Variants in CDH13 observed in about 807,000 individuals in gnomAD.
CDH13 encodes the protein cadherin 13, also known as cadherin-13.
Under a neutral mutation model 63.8 loss-of-function variants are expected in CDH13, and 24 were observed. The observed-to-expected ratio is 0.38, with a 90% CI of 0.27 to 0.53. The LOEUF (loss-of-function observed/expected upper bound fraction) is 0.53, where lower values mean the gene tolerates loss of function less well. Among genes scored for constraint, CDH13 ranks in the 20% least tolerant of loss-of-function variants. The pLI, the probability that CDH13 is intolerant of heterozygous loss-of-function variation, is 0.85. For missense variants in CDH13, 1,049 were observed against 903.1 expected (o/e 1.16, Z -2.07); for synonymous variants, 503 against 355.3 (o/e 1.42, Z -4.67).
chr16:82,633,172 C>T (rs762868582), intron 1 of CDH13, among the ~76,000 whole-genome samples: 7 of 152,304 alleles, frequency 4.6e-5, no homozygotes, highest in East Asian at 1.9e-4. Context: ...CCCTGCTCTA[C>T]GTAGTGTTCT....
At chr16:83,392,595 A>G (rs537826152) in intron 6 of CDH13, among the ~76,000 whole-genome samples, 2 of 152,292 alleles carry the variant, frequency 1.3e-5, no homozygotes, top group South Asian at 2.1e-4. Context: ...GTGCACACAG[A>G]AGGTACTGAC....
rs113985813 is a variant in CDH13 at position 83,261,397 on chromosome 16, T to C, written c.636+43900T>C. Reference sequence around the variant, plus strand: ...TGGCAGTGTCTGGATGAATTTTTGGTTGTCACAGCTGGGTTGGGGGGTTGG... The same window carrying C: ...TGGCAGTGTCTGGATGAATTTTTGGCTGTCACAGCTGGGTTGGGGGGTTGG... On this transcript the variant is annotated intron_variant, in intron 5 of 13. Coordinates refer to ENST00000567109, the MANE Select transcript of CDH13 (RefSeq NM_001257.5). Among the ~76,000 whole-genome samples the C allele has an allele frequency of 3.5e-4, 53 of 152,304 alleles. 1 individual carries two copies. Among genetic ancestry groups the C allele is most frequent in the African/African-American group, 1.2e-3 (48 of 41,566 alleles).
intron 11 of CDH13, among the ~76,000 whole-genome samples, chr16:83,768,774 T>G (rs931028922): frequency 6.6e-6 from 1 of 152,068 alleles, no homozygotes; most frequent in African/African-American, 2.4e-5. Flanking sequence ...GGTTGGAGTG[T>G]AGCAATGAGG....
intron 1 of CDH13, among the ~76,000 whole-genome samples, chr16:82,799,833 G>T (rs965251448): frequency 6.6e-6 from 1 of 151,414 alleles, no homozygotes; most frequent in East Asian, 1.9e-4. Context: ...TCTAATGTAT[G>T]TCTCTGCCTA....
intron 1 of CDH13, among the ~76,000 whole-genome samples, chr16:82,775,079 A>AG (rs2035435513): frequency 6.6e-6 from 1 of 152,244 alleles, no homozygotes; most frequent in African/African-American, 2.4e-5. Context: ...TATGGTGAAC[A>AG]GGAGATGTCT....
At chr16:83,489,930 C>T (rs1165303656) in intron 7 of CDH13, among the ~76,000 whole-genome samples, 1 of 152,014 alleles carries the variant, frequency 6.6e-6, no homozygotes, top group Non-Finnish European at 1.5e-5. Context: ...TTCGCAGTAT[C>T]TCAAATTGCG....
chr16:83,226,570 T>C (rs983494203), intron 5 of CDH13, among the ~76,000 whole-genome samples: 1 of 152,196 alleles, frequency 6.6e-6, no homozygotes, highest in Non-Finnish European at 1.5e-5. Flanking sequence ...CTACCCTTTT[T>C]TTTCTGTTTT....
At chr16:82,914,967 A>G (rs1038373695) in intron 2 of CDH13, among the ~76,000 whole-genome samples, 1 of 152,212 alleles carries the variant, frequency 6.6e-6, no homozygotes, top group African/African-American at 2.4e-5. Flanking sequence ...TCCCTCCTCC[A>G]CACTTAACAG....
chr16:82,850,739 C>G (rs1032100956), intron 1 of CDH13, among the ~76,000 whole-genome samples: 12 of 152,306 alleles, frequency 7.9e-5, no homozygotes, highest in South Asian at 2.1e-4. Flanking sequence ...CCCCAACCTT[C>G]ACAACCGCCA....
At chr16:82,735,165 A>C (rs771711266) in intron 1 of CDH13, among the ~76,000 whole-genome samples, 43 of 152,204 alleles carry the variant, frequency 2.8e-4, no homozygotes, top group Non-Finnish European at 1.3e-4. Context: ...AAGGCTTCAA[A>C]GATTCAGTCT....
At chr16:83,218,470 G>A (rs1277700676) in intron 5 of CDH13, among the ~76,000 whole-genome samples, 2 of 151,276 alleles carry the variant, frequency 1.3e-5, no homozygotes, top group Non-Finnish European at 2.9e-5. Context: ...ACTCAAGGGG[G>A]AATCAGGTAG....
intron 5 of CDH13, among the ~76,000 whole-genome samples, chr16:83,268,969 A>G (rs2088709821): frequency 6.6e-6 from 1 of 152,180 alleles, no homozygotes; most frequent in South Asian, 2.1e-4. Flanking sequence ...TCAAAGAAGC[A>G]TGAAGGTGCT....
At chr16:83,066,642 A>G (rs1442151159) in intron 3 of CDH13, among the ~76,000 whole-genome samples, 3 of 152,256 alleles carry the variant, frequency 2.0e-5, no homozygotes, top group Non-Finnish European at 4.4e-5. Flanking sequence ...AAGCCAATCT[A>G]TTAATTTAAA....
At chr16:82,933,390 C>G (rs1283849726) in intron 2 of CDH13, among the ~76,000 whole-genome samples, 1 of 152,088 alleles carries the variant, frequency 6.6e-6, no homozygotes, top group African/African-American at 2.4e-5. Flanking sequence ...GGAGACTGCC[C>G]TCATGATCCA....
At chr16:83,370,246 G>T (rs1250604737) in intron 6 of CDH13, among the ~76,000 whole-genome samples, 1 of 152,024 alleles carries the variant, frequency 6.6e-6, no homozygotes, top group Non-Finnish European at 1.5e-5. Flanking sequence ...AAATTAGCCG[G>T]GTGCGGTGGC....
At chr16:83,599,292 C>G (rs1314132493) in intron 7 of CDH13, among the ~76,000 whole-genome samples, 3 of 152,188 alleles carry the variant, frequency 2.0e-5, no homozygotes, top group Non-Finnish European at 4.4e-5. Flanking sequence ...TAGAGTCACC[C>G]TAGTCTCCCA....
At chr16:83,777,856 C>G (rs558219929) in intron 11 of CDH13, among the ~76,000 whole-genome samples, 2 of 151,982 alleles carry the variant, frequency 1.3e-5, no homozygotes, top group Non-Finnish European at 2.9e-5. Flanking sequence ...GGAAATCTGG[C>G]TAAGTGAAAA....
intron 1 of CDH13, among the ~76,000 whole-genome samples, chr16:82,765,553 G>A (rs531180541): frequency 2.0e-5 from 3 of 152,260 alleles, no homozygotes; most frequent in African/African-American, 7.2e-5. Flanking sequence ...TGCTATCAAT[G>A]GGGAATCTAC....
At chr16:83,771,173 C>T (rs1567585088) in intron 11 of CDH13, among the ~76,000 whole-genome samples, 1 of 152,122 alleles carries the variant, frequency 6.6e-6, no homozygotes, top group Non-Finnish European at 1.5e-5. Context: ...AAATCTTCAC[C>T]TTTTATTAAT....
Sources: allele counts gnomAD v4.1 joint callset (sites outside exome capture counted in the v4.1 genomes callset), GRCh38; gene constraint gnomAD v4.1.1; transcripts MANE v1.5; gene names NCBI Gene and HGNC (gene_info 2026-07-23, HGNC 2026-07-21).